RHOJ: variants seen among roughly 807,000 people sequenced by gnomAD.
RHOJ encodes the protein ras homolog family member J.
RHOJ carries 11 observed loss-of-function variants against 23.4 expected under a neutral mutation model. The observed-to-expected ratio is 0.47, with a 90% CI of 0.30 to 0.78. The LOEUF is 0.78. RHOJ is among the 30% of genes least tolerant of loss of function. The pLI, the probability that RHOJ is intolerant of heterozygous loss-of-function variation, is 0.08. For synonymous variants in RHOJ, 102 were observed against 102.7 expected, an observed-to-expected ratio of 0.99 and a Z score of 0.04; for missense variants, 254 against 273.4, an observed-to-expected ratio of 0.93 and a Z score of 0.50.
At position 63,293,400 on chromosome 14, in the gene RHOJ, C is replaced by T. The variant is rs76295122; in HGVS notation, c.*2376C>T. Among the ~76,000 whole-genome samples, 491 of 152,278 alleles carry T rather than the reference C, an allele frequency of 3.2e-3. No individual in the cohort carries two copies. Among genetic ancestry groups the T allele is most frequent in the African/African-American group, 0.011 (464 of 41,570 alleles). On this transcript the variant is annotated 3_prime_UTR_variant, in exon 5 of 5. Coordinates refer to ENST00000316754, the MANE Select transcript of RHOJ (RefSeq NM_020663.5). ...TAAGTTGATCTTGATGGGGAGATCA[C>T]GTCACCCAGAACCAGCAACTGGATA... is the stretch of plus-strand genomic sequence containing the variant.
chr14:63,214,613 G>A (rs931311546), intron 1 of RHOJ, among the ~76,000 whole-genome samples: 2 of 152,100 alleles, frequency 1.3e-5, no homozygotes, highest in African/African-American at 4.8e-5. Flanking sequence ...CCTGCGGTGG[G>A]GGCATAGAGA....
Position 63,219,545 on chromosome 14 carries a change from T to C in RHOJ, c.178+14498T>C, listed in dbSNP as rs139515332. 1.7e-3 allele frequency among the ~76,000 whole-genome samples: 261 copies of C among 152,292 alleles called. 2 individuals are homozygous for C. The East Asian group carries it at 0.024, about 14-fold the overall frequency. On this transcript the variant is annotated intron_variant, in intron 1 of 4. Transcript: ENST00000316754. ...AAGAGTTCTCTTTTCTGGCCGGGCGTGGTGGCTCACACCTATAATCCCAGC... is the reference window on the plus strand; with the variant it reads ...AAGAGTTCTCTTTTCTGGCCGGGCGCGGTGGCTCACACCTATAATCCCAGC...
At chr14:63,223,307 C>G (rs1012636574) in intron 1 of RHOJ, among the ~76,000 whole-genome samples, 2 of 152,140 alleles carry the variant, frequency 1.3e-5, no homozygotes, top group Non-Finnish European at 2.9e-5. Flanking sequence ...CTGTGTTGAA[C>G]CCCCACCCTT....
chr14:63,290,785 G>A, intron 4 of RHOJ, 93 bp from the exon 5 acceptor site: 3 of 1,289,748 alleles, frequency 2.3e-6, no homozygotes. Flanking sequence ...TGTAGGACAG[G>A]CAGAAGTAAG....
At chr14:63,216,018 C>T (rs548963397) in intron 1 of RHOJ, among the ~76,000 whole-genome samples, 5 of 152,252 alleles carry the variant, frequency 3.3e-5, no homozygotes, top group Admixed American at 1.3e-4. Context: ...ATTATTTTAT[C>T]CTCCCACATG....
At chr14:63,221,866 C>T (rs1476663018) in intron 1 of RHOJ, among the ~76,000 whole-genome samples, 1 of 151,958 alleles carries the variant, frequency 6.6e-6, no homozygotes, top group Non-Finnish European at 1.5e-5. Context: ...GGTACATGCG[C>T]ACAACGTGCA....
chr14:63,237,386 T>C (rs1016625139), intron 1 of RHOJ, among the ~76,000 whole-genome samples: 1 of 152,198 alleles, frequency 6.6e-6, no homozygotes, highest in Non-Finnish European at 1.5e-5. Context: ...TTTCTTTAGT[T>C]TCCAAAGTAC....
At chr14:63,235,941 T>G (rs1243761487) in intron 1 of RHOJ, among the ~76,000 whole-genome samples, 3 of 152,232 alleles carry the variant, frequency 2.0e-5, no homozygotes, top group Non-Finnish European at 4.4e-5. Context: ...GCTTTTTTGC[T>G]TGAACAAGTA....
chr14:63,271,941 A>G (rs1462296134), intron 2 of RHOJ, among the ~76,000 whole-genome samples: 2 of 152,208 alleles, frequency 1.3e-5, no homozygotes, highest in African/African-American at 4.8e-5. Context: ...TCCCTACACC[A>G]TACTTTGAGA....
At chr14:63,269,377 T>C (rs1026420737) in intron 2 of RHOJ, 2 of 447,374 alleles carry the variant, frequency 4.5e-6, no homozygotes, top group Non-Finnish European at 8.0e-6. Context: ...TTCAAGGCAT[T>C]GATAGGTAAA....
intron 1 of RHOJ, among the ~76,000 whole-genome samples, chr14:63,219,988 T>G (rs1446070003): frequency 6.6e-6 from 1 of 152,188 alleles, no homozygotes; most frequent in Non-Finnish European, 1.5e-5. Flanking sequence ...TTTCATCTTT[T>G]ATTAAGAAAT....
At chr14:63,219,821 A>T (rs1055996859) in intron 1 of RHOJ, among the ~76,000 whole-genome samples, 4 of 152,078 alleles carry the variant, frequency 2.6e-5, no homozygotes, top group African/African-American at 9.7e-5. Flanking sequence ...TCTCAAAAAA[A>T]AAAAAAAAAG....
At chr14:63,232,078 G>T (rs543622116) in intron 1 of RHOJ, among the ~76,000 whole-genome samples, 84 of 152,248 alleles carry the variant, frequency 5.5e-4, no homozygotes, top group African/African-American at 1.9e-3. Flanking sequence ...CCGAGGCAGG[G>T]AATGATGCGA....
At chr14:63,222,321 A>G (rs1055391761) in intron 1 of RHOJ, among the ~76,000 whole-genome samples, 31 of 152,236 alleles carry the variant, frequency 2.0e-4, no homozygotes, top group African/African-American at 6.7e-4. Flanking sequence ...ATGATTTACA[A>G]TCCTTTGGGT....
intron 1 of RHOJ, among the ~76,000 whole-genome samples, chr14:63,239,884 G>A (rs1428099228): frequency 6.6e-6 from 1 of 152,186 alleles, no homozygotes; most frequent in Non-Finnish European, 1.5e-5. Flanking sequence ...AGCTTATGAA[G>A]AAAGTCAGGG....
At chr14:63,232,503 T>A (rs1039508885) in intron 1 of RHOJ, among the ~76,000 whole-genome samples, 2 of 152,130 alleles carry the variant, frequency 1.3e-5, no homozygotes, top group African/African-American at 4.8e-5. Context: ...CTAAAGCCAA[T>A]GCACCCTGGT....
chr14:63,239,456 C>T (rs1345724242), intron 1 of RHOJ, among the ~76,000 whole-genome samples: 1 of 152,208 alleles, frequency 6.6e-6, no homozygotes, highest in African/African-American at 2.4e-5. Context: ...ATTCAGACAA[C>T]AAATTTGGCC....
At chr14:63,288,259 C>T in intron 4 of RHOJ, 1 of 985,456 alleles carries the variant, frequency 1.0e-6, no homozygotes. Context: ...GACATGCTGT[C>T]AGCTGCACAC....
chr14:63,204,753 C>A lies in RHOJ; in HGVS notation c.-117C>A. The A allele has an allele frequency of 9.8e-7, 1 of 1,017,252 alleles. No homozygotes were observed. 63.0% of individuals were successfully genotyped at this position (1,017,252 alleles called of 1,614,324 possible). A position where few individuals can be genotyped will look rare whatever the true frequency, so the allele number is the denominator to read the frequency against. On this transcript the variant is annotated 5_prime_UTR_variant, in exon 1 of 5. Coordinates refer to ENST00000316754, the MANE Select transcript of RHOJ (RefSeq NM_020663.5). Reference sequence around the variant, plus strand: ...GGACATGTCTGTATGATCCAAGGTACCCAAAGTCAGACAGAGTAAACTCAA... The same window carrying A: ...GGACATGTCTGTATGATCCAAGGTAACCAAAGTCAGACAGAGTAAACTCAA...
Sources: gnomAD v4.1 joint callset for allele counts (sites outside exome capture counted in the v4.1 genomes callset) on GRCh38, gnomAD v4.1.1 for gene constraint, MANE v1.5 for transcripts, NCBI Gene and HGNC (gene_info 2026-07-23, HGNC 2026-07-21) for gene names.